SERP2: variants seen among roughly 807,000 people sequenced by gnomAD.
SERP2 encodes stress-associated endoplasmic reticulum protein 2.
A neutral mutation model predicts 9.1 loss-of-function variants in SERP2; 6 were observed. The observed-to-expected ratio is 0.66, with a 90% confidence interval of 0.36 to 1.30. The LOEUF (loss-of-function observed/expected upper bound fraction) is 1.30, where lower values mean the gene tolerates loss of function less well. SERP2 is among the 50% of genes most tolerant of loss of function. The pLI is 0.03. For missense variants in SERP2, 58 were observed against 81.9 expected (o/e 0.71, Z 1.13); for synonymous variants, 37 against 27.3 (o/e 1.35, Z -1.10).
intron 2 of SERP2, among the ~76,000 whole-genome samples, chr13:44,388,342 A>ATG (rs10628946): frequency 2.0e-5 from 3 of 152,108 alleles, no homozygotes; most frequent in African/African-American, 4.8e-5. Context: ...GTGTTCATGA[A>ATG]TGTGTATGTA....
At chr13:44,397,205 C>T (rs868674987) in intron 2 of SERP2, 67 bp from the exon 3 acceptor site, 7 of 1,349,768 alleles carry the variant, frequency 5.2e-6, no homozygotes, top group Non-Finnish European at 6.4e-6. Flanking sequence ...AAGCCGGGCT[C>T]ACTGTGGGCT....
At chr13:44,386,206 GA>G (rs138514047) in intron 2 of SERP2, among the ~76,000 whole-genome samples, 6,060 of 148,326 alleles carry the variant, frequency 0.041, 353 homozygotes, top group African/African-American at 0.14. Context: ...TGAATGTCAG[GA>G]AAAAAAAAAT....
chr13:44,378,101 G>T (rs1291196330), intron 1 of SERP2, among the ~76,000 whole-genome samples: 2 of 152,200 alleles, frequency 1.3e-5, no homozygotes, highest in Non-Finnish European at 2.9e-5. Flanking sequence ...GAAAACTAAA[G>T]AACTGTTGCC....
chr13:44,381,841 C>T (rs1365892136), intron 2 of SERP2, among the ~76,000 whole-genome samples: 3 of 152,206 alleles, frequency 2.0e-5, no homozygotes, highest in Admixed American at 6.5e-5. Context: ...TTTTATTTTA[C>T]TCATGACCCT....
At position 44,391,435 on chromosome 13, in the gene SERP2, T is replaced by C. The variant is rs188624051; in HGVS notation, c.158-5837T>C. Among the ~76,000 whole-genome samples the C allele has an allele frequency of 1.6e-3, 249 of 152,344 alleles. 2 individuals carry two copies. The highest frequency in any genetic ancestry group is 2.8e-3 in the Non-Finnish European group (188 of 68,026). ...TCAATAATATTTACAGAGGACCTAC[T>C]TTGTGCCATACCTGGTCGCTGTTAT... is the stretch of plus-strand genomic sequence containing the variant. On this transcript the variant is annotated intron_variant, in intron 2 of 2. Coordinates refer to ENST00000379179, the MANE Select transcript of SERP2 (RefSeq NM_001010897.3).
intron 2 of SERP2, chr13:44,390,499 A>G (rs754505471): frequency 5.9e-5 from 27 of 455,080 alleles, no homozygotes; most frequent in South Asian, 4.2e-4. Context: ...GACTGAGGCC[A>G]TTCATCTGCT....
At chr13:44,374,171 T>TGGGGG in intron 1 of SERP2, 62 bp downstream of exon 1, 12 of 94,450 alleles carry the variant, frequency 1.3e-4, no homozygotes, top group Non-Finnish European at 1.5e-4. Flanking sequence ...GGGCGGAAGG[T>TGGGGG]GGGGGCGGGG....
At chr13:44,374,432 G>C (rs889651158) in intron 1 of SERP2, among the ~76,000 whole-genome samples, 6 of 152,252 alleles carry the variant, frequency 3.9e-5, no homozygotes, top group Admixed American at 1.3e-4. Flanking sequence ...GCTGGGCCTT[G>C]TCCCGGAGAA....
chr13:44,373,857 C>T lies in SERP2; in HGVS notation c.-169C>T, dbSNP rs1291785571. The T allele has an allele frequency of 8.9e-6, 5 of 559,426 alleles. No individual in the cohort carries two copies. The highest frequency in any genetic ancestry group is 1.6e-5 in the Non-Finnish European group (5 of 321,986). The allele number at this position is 559,426 out of a possible 1,614,324, so 34.7% of individuals were successfully genotyped here. A position where few individuals can be genotyped will look rare whatever the true frequency, so the allele number is the denominator to read the frequency against. ...CCGGGCTGCGGCCTCTCTCTGGAGT[C>T]GGCTAGCCGGGGCTCGGGGAGCGGG... On this transcript the variant is annotated 5_prime_UTR_variant, in exon 1 of 3. Coordinates refer to ENST00000379179, the MANE Select transcript of SERP2 (RefSeq NM_001010897.3). The surrounding 1 kb of genome is among the most constrained non-coding windows in gnomAD (Gnocchi z 4.8).
intron 1 of SERP2, among the ~76,000 whole-genome samples, chr13:44,376,877 C>T (rs1871687179): frequency 6.6e-6 from 1 of 152,122 alleles, no homozygotes; most frequent in Admixed American, 6.5e-5. Context: ...TTCTGAGTTA[C>T]CCTACGGGTA....
chr13:44,380,909 C>T (rs1871933127), intron 2 of SERP2, among the ~76,000 whole-genome samples: 1 of 152,196 alleles, frequency 6.6e-6, no homozygotes, highest in Non-Finnish European at 1.5e-5. Flanking sequence ...CAGATTTGAA[C>T]TCCTAGGGTA....
intron 2 of SERP2, chr13:44,391,229 C>T (rs1260466913): frequency 6.6e-6 from 1 of 152,120 alleles, no homozygotes; most frequent in East Asian, 1.9e-4. Flanking sequence ...TGGGATGGCC[C>T]ATTATCAGGC....
At chr13:44,395,706 C>T (rs73463629) in intron 2 of SERP2, 20,472 of 383,322 alleles carry the variant, frequency 0.053, 735 homozygotes, top group African/African-American at 0.11. Context: ...TGGACCAACA[C>T]CTTCACCATA....
intron 2 of SERP2, among the ~76,000 whole-genome samples, chr13:44,384,096 G>T (rs1295397111): frequency 6.6e-6 from 1 of 151,664 alleles, no homozygotes; most frequent in Non-Finnish European, 1.5e-5. Flanking sequence ...CTCAGCTCAA[G>T]TCGGGCACTG....
chr13:44,374,732 G>A (rs530894678), intron 1 of SERP2, among the ~76,000 whole-genome samples: 5 of 152,236 alleles, frequency 3.3e-5, no homozygotes, highest in Non-Finnish European at 5.9e-5. Flanking sequence ...AATGGGGAGT[G>A]AGATTTGGAC....
In SERP2 at chr13:44,376,163, G is replaced by A. The variant is rs999897519; in HGVS notation, c.84+2054G>A. Among the ~76,000 whole-genome samples, 3 of 152,164 alleles carry A rather than the reference G, an allele frequency of 2.0e-5. No homozygotes were observed. In the East Asian group the frequency reaches 5.8e-4, roughly 29 times the overall value. ...GCTTTGCATTGGTTGGGGGGATTTT[G>A]GTTAATGTTATTGTAAATAGATTAC... On this transcript the variant is annotated intron_variant, in intron 1 of 2. Transcript: ENST00000379179.
intron 2 of SERP2, among the ~76,000 whole-genome samples, chr13:44,395,603 CAAAA>C (rs369797464): frequency 3.9e-5 from 2 of 51,108 alleles, no homozygotes; most frequent in Non-Finnish European, 4.0e-5. Flanking sequence ...GACTCCGTCT[CAAAA>C]AAAAAAAAAA....
intron 2 of SERP2, chr13:44,391,052 A>G (rs557759149): frequency 6.6e-5 from 10 of 152,078 alleles, no homozygotes; most frequent in African/African-American, 9.7e-5. Context: ...GATCTCTTTT[A>G]TCATCAATTT....
At chr13:44,396,809 G>A (rs1330762446) in intron 2 of SERP2, among the ~76,000 whole-genome samples, 4 of 152,240 alleles carry the variant, frequency 2.6e-5, no homozygotes, top group East Asian at 1.9e-4. Context: ...GACAGAGGCC[G>A]GGCCCCGTGG....
Sources: allele counts gnomAD v4.1 joint callset (sites outside exome capture counted in the v4.1 genomes callset), GRCh38; gene constraint gnomAD v4.1.1; non-coding constraint Gnocchi (gnomAD v3.1); transcripts MANE v1.5; gene names NCBI Gene and HGNC (gene_info 2026-07-23, HGNC 2026-07-21).